Variants in STARD8 observed in about 807,000 individuals in gnomAD.
The protein encoded by STARD8 is StAR related lipid transfer domain containing 8.
STARD8 carries 25 observed loss-of-function variants against 69.4 expected under a neutral mutation model. The ratio of observed to expected loss-of-function variants is 0.36; its 90% confidence interval spans 0.26 to 0.50. STARD8 has a LOEUF of 0.50. Among genes scored for constraint, STARD8 ranks in the 20% least tolerant of loss-of-function variants. The pLI, the probability that STARD8 is intolerant of heterozygous loss-of-function variation, is 0.96. For synonymous variants in STARD8, 389 were observed against 374.6 expected, an observed-to-expected ratio of 1.04 and a Z score of -0.45; for missense variants, 921 against 932.5, an observed-to-expected ratio of 0.99 and a Z score of 0.16.
At chrX:68,661,369 G>T (rs771700692) in intron 1 of STARD8, among the ~76,000 whole-genome samples, 1 of 111,912 alleles carries the variant, frequency 8.9e-6, no homozygotes, top group Admixed American at 9.4e-5. Flanking sequence ...TCTGGCTTTC[G>T]CATTTGCACT....
intron 2 of STARD8, among the ~76,000 whole-genome samples, chrX:68,689,850 A>G (rs1019809159): frequency 9.1e-6 from 1 of 110,485 alleles, no homozygotes; most frequent in Non-Finnish European, 1.9e-5. Context: ...ACACTTGGCA[A>G]TGTATAGACA....
rs746083028 is a variant in STARD8 at position 68,703,358 on chromosome X, G to A, written c.80-9556G>A. ...TCCCACTGTACCCTGTAACTTCTACGCCCATAGGCCCTACAGAGCTGTAAG... is the reference window on the plus strand; with the variant it reads ...TCCCACTGTACCCTGTAACTTCTACACCCATAGGCCCTACAGAGCTGTAAG... On this transcript the variant is annotated intron_variant, in intron 2 of 14. Transcript: ENST00000374599. Among the ~76,000 whole-genome samples, 4 of 112,796 alleles carry A rather than the reference G, an allele frequency of 3.5e-5. No homozygotes were observed. In the South Asian group the frequency reaches 1.5e-3, roughly 41 times the overall value.
At chrX:68,668,266 CTT>C (rs1367340202) in intron 2 of STARD8, among the ~76,000 whole-genome samples, 25 of 79,022 alleles carry the variant, frequency 3.2e-4, no homozygotes, top group African/African-American at 1.4e-3. Flanking sequence ...TTCTTTCTTT[CTT>C]TCTTTCTCTT....
intron 2 of STARD8, among the ~76,000 whole-genome samples, chrX:68,676,447 C>T (rs1342227642): frequency 8.9e-6 from 1 of 112,332 alleles, no homozygotes; most frequent in Non-Finnish European, 1.9e-5. Context: ...GGAAGAATTC[C>T]TTCTAGGCAA....
chrX:68,719,146 A>C, intron 6 of STARD8, 79 bp from the exon 7 acceptor site: 3 of 1,015,873 alleles, frequency 3.0e-6, no homozygotes, highest in Non-Finnish European at 3.8e-6. Flanking sequence ...AAAAAAGGGG[A>C]CCACAATAAC....
rs1000365227 is a variant in STARD8 at position 68,717,997 on chromosome X, G to A, written c.1083G>A (p.Leu361=). The A allele has an allele frequency of 1.7e-6, 2 of 1,208,654 alleles. No homozygotes were observed. The highest frequency in any genetic ancestry group is 3.5e-5 in the African/African-American group (2 of 57,196). The change falls in exon 6 of 15, where the codon CTG becomes CTA. Residue 361 remains leucine, a synonymous_variant. Coordinates refer to ENST00000374599, the MANE Select transcript of STARD8 (RefSeq NM_001142503.3). ...GCACGTATGACAACTTGCCTGAGCTGTACCCAGCTGAGCCTGTAATGGTTG... is the reference window on the plus strand; with the variant it reads ...GCACGTATGACAACTTGCCTGAGCTATACCCAGCTGAGCCTGTAATGGTTG... ...HASTYDNLPE[L]YPAEPVMVGA...
chrX:68,693,732 G>A (rs2079895909), intron 2 of STARD8: 19 of 755,025 alleles, frequency 2.5e-5, no homozygotes, highest in Non-Finnish European at 3.0e-5. Context: ...CAGGCCCCGC[G>A]TGTGTCCCGG....
Position 68,700,099 on chromosome X carries a change from G to A in STARD8, c.80-12815G>A, listed in dbSNP as rs774833044. On this transcript the variant is annotated intron_variant, in intron 2 of 14. Transcript: ENST00000374599. ...AGGGGATATTTTAGGGAGTACTGAAGCCGGAAATGAGTATGAGCCATGCCC... is the reference window on the plus strand; with the variant it reads ...AGGGGATATTTTAGGGAGTACTGAAACCGGAAATGAGTATGAGCCATGCCC... 3.6e-5 allele frequency among the ~76,000 whole-genome samples: 4 copies of A among 111,871 alleles called. No homozygotes were observed. The South Asian group carries it at 1.5e-3, about 42-fold the overall frequency.
intron 2 of STARD8, among the ~76,000 whole-genome samples, chrX:68,687,363 T>C (rs974732335): frequency 1.8e-5 from 2 of 111,619 alleles, no homozygotes; most frequent in Non-Finnish European, 3.8e-5. Context: ...GTACTTATAT[T>C]TCCAGGCTAC....
chrX:68,666,535 G>T (rs2079684737), intron 2 of STARD8, among the ~76,000 whole-genome samples: 1 of 112,157 alleles, frequency 8.9e-6, no homozygotes, highest in African/African-American at 3.2e-5. Flanking sequence ...AGCTGGTTTG[G>T]GCGAATCACG....
chrX:68,720,348 G>T lies in STARD8; in HGVS notation c.1974G>T (p.Val658=), dbSNP rs777458670. ...TTGGGGTGCCACCCCTCATCCACGT[G>T]CAGCGCACGGGCCAGCCACTGCCAC... ...HVFGVPPLIH[V]QRTGQPLPQS... The change falls in exon 8 of 15, where the codon GTG becomes GTT. Residue 658 remains valine, a synonymous_variant. Transcript: ENST00000374599. 4 of 1,201,941 alleles carry T rather than the reference G, an allele frequency of 3.3e-6. No homozygotes were observed. The highest frequency in any genetic ancestry group is 4.5e-6 in the Non-Finnish European group (4 of 890,898).
In STARD8 at chrX:68,724,392, GC is replaced by G; in HGVS notation, c.3283del (p.Gln1095ArgfsTer32). 1.7e-6 allele frequency: 2 copies of G among 1,204,410 alleles called. No individual in the cohort carries two copies. Among genetic ancestry groups the G allele is most frequent in the Non-Finnish European group, 2.2e-6 (2 of 891,697 alleles). ...AGATCCGGGACTCCTTCCCCACCCT[GC>G]AGGCAGCGGGCCCTGAGACAAAGCT... ...AKIRDSFPTL[Q>X]AAGPETKL On this transcript the variant is annotated frameshift_variant, in exon 15 of 15. Coordinates refer to ENST00000374599, the MANE Select transcript of STARD8 (RefSeq NM_001142503.3). LOFTEE classifies it high-confidence loss of function.
Position 68,717,384 on chromosome X carries a change from C to A in STARD8, c.470C>A (p.Ser157Tyr). ...GTCCTCACCGAGCTTAGTGCCACCT[C>A]TCTGCCAGTCATCACCGTGAGCCTA... Reference protein sequence around the residue: ...ESVLTELSATSLPVITVSLPP... With the variant: ...ESVLTELSATYLPVITVSLPP... Residue 157 changes from serine (S) to tyrosine (Y), a missense_variant, in exon 6 of 15, where the codon TCT becomes TAT. Ser to Tyr is a moderately radical substitution (Grantham distance 144, BLOSUM62 -2). Coordinates refer to ENST00000374599, the MANE Select transcript of STARD8 (RefSeq NM_001142503.3). 1 of 1,209,606 alleles carries A rather than the reference C, an allele frequency of 8.3e-7. No homozygotes were observed.
chrX:68,687,125 T>C (rs1294999624), intron 2 of STARD8, among the ~76,000 whole-genome samples: 1 of 110,258 alleles, frequency 9.1e-6, no homozygotes, highest in African/African-American at 3.3e-5. Context: ...TCCAGATCGT[T>C]AAGTGTTATC....
At chrX:68,653,153 CCA>C (rs2079575149) in intron 1 of STARD8, among the ~76,000 whole-genome samples, 1 of 15,900 alleles carries the variant, frequency 6.3e-5, no homozygotes, top group Non-Finnish European at 1.2e-4. Context: ...ACACACCACA[CCA>C]AACACACACA....
rs369411762 is a variant in STARD8, at chrX:68,719,202, C to A, written c.1716-23C>A. 7.8e-6 allele frequency: 9 copies of A among 1,160,596 alleles called. No individual in the cohort carries two copies. In the African/African-American group the frequency reaches 1.3e-4, roughly 16 times the overall value. ...AAACCTGCTCCTCTGGGCTTCTCCA[C>A]CCCTCTCACCGCCCCCCACCAGGAA... On this transcript the variant is annotated intron_variant, in intron 6 of 14. Transcript: ENST00000374599.
Position 68,717,719 on chromosome X carries a change from G to A in STARD8, c.805G>A (p.Gly269Ser). 4.1e-6 allele frequency: 5 copies of A among 1,212,363 alleles called. No homozygotes were observed. Among genetic ancestry groups the A allele is most frequent in the Non-Finnish European group, 5.6e-6 (5 of 895,650 alleles). ...GAACTGGGCCGCCACCTCAGCCGGTGGCAGTGGTGCCAATACTCGGAAGGC... is the reference window on the plus strand; with the variant it reads ...GAACTGGGCCGCCACCTCAGCCGGTAGCAGTGGTGCCAATACTCGGAAGGC... Reference protein sequence around the residue: ...AKNWAATSAGGSGANTRKAWE... With the variant: ...AKNWAATSAGSSGANTRKAWE... Residue 269 changes from glycine to serine, a missense_variant, in exon 6 of 15, where the codon GGC (glycine) becomes AGC (serine). Coordinates refer to ENST00000374599, the MANE Select transcript of STARD8 (RefSeq NM_001142503.3).
At chrX:68,690,178 T>C (rs1358295285) in intron 2 of STARD8, among the ~76,000 whole-genome samples, 1 of 110,105 alleles carries the variant, frequency 9.1e-6, no homozygotes, top group Non-Finnish European at 1.9e-5. Context: ...AGCCTGTGTG[T>C]GAGGCCACCG....
chrX:68,678,859 A>C (rs2079783416), intron 2 of STARD8, among the ~76,000 whole-genome samples: 1 of 112,567 alleles, frequency 8.9e-6, no homozygotes, highest in Admixed American at 9.4e-5. Flanking sequence ...GTACTGATTA[A>C]GAATGAGAGT....
Sources: gnomAD v4.1 joint callset for allele counts (sites outside exome capture counted in the v4.1 genomes callset) on GRCh38, gnomAD v4.1.1 for gene constraint, MANE v1.5 for transcripts, NCBI Gene and HGNC (gene_info 2026-07-23, HGNC 2026-07-21) for gene names.